Variants in NME5 observed in about 807,000 individuals in gnomAD.
The protein encoded by NME5 is nucleoside diphosphate kinase 5.
In NME5, 18 loss-of-function variants were observed where a neutral mutation model predicts 21.6. The ratio of observed to expected loss-of-function variants is 0.83; its 90% CI spans 0.58 to 1.24. The LOEUF is 1.24. Ranked by LOEUF, NME5 falls within the 50% of genes most tolerant of loss-of-function variation. NME5 has a pLI of 0.00. For synonymous variants in NME5, 70 were observed against 80.6 expected (o/e 0.87, Z 0.71); for missense variants, 223 against 255.4 (o/e 0.87, Z 0.86).
chr5:138,135,251 G>C (rs1383024724), intron 2 of NME5, among the ~76,000 whole-genome samples: 4 of 144,720 alleles, frequency 2.8e-5, no homozygotes. Flanking sequence ...CTGGGTGGCG[G>C]AGCTTGCCGT....
In NME5 at chr5:138,118,465, A is replaced by G. The variant is rs542290077; in HGVS notation, c.555+353T>C. Among the ~76,000 whole-genome samples the G allele has an allele frequency of 1.3e-4, 20 of 150,786 alleles. No individual in the cohort carries two copies. The South Asian group carries it at 3.6e-3, about 27-fold the overall frequency. ...CAAAGACACAATGTCTTAAACGTGA[A>G]AACTACAGACAATTTATAGAAAAAA... On this transcript the variant is annotated intron_variant, in intron 5 of 5. Transcript: ENST00000265191.
chr5:138,128,913 T>G lies in NME5; in HGVS notation c.336-334A>C, dbSNP rs2286062. Among the ~76,000 whole-genome samples, 217 of 152,328 alleles carry G rather than the reference T, an allele frequency of 1.4e-3. 5 individuals are homozygous for G. The East Asian group carries it at 0.037, about 26-fold the overall frequency. On this transcript the variant is annotated intron_variant, in intron 3 of 5. Transcript: ENST00000265191. ...ATACATTAGCAATAATGCTGAAAAT[T>G]TGAATTTCTGTTCCTGTATTACCAT... is the stretch of plus-strand genomic sequence containing the variant.
At chr5:138,128,651 T>G in intron 3 of NME5, 72 bp from the exon 4 acceptor site, 5 of 972,054 alleles carry the variant, frequency 5.1e-6, no homozygotes, top group Non-Finnish European at 7.8e-6. Context: ...TGCATTCCAC[T>G]TAAGAATTTT....
chr5:138,138,504 C>T (rs1304990090), intron 2 of NME5, 148 bp downstream of exon 2: 1 of 634,134 alleles, frequency 1.6e-6, no homozygotes, highest in African/African-American at 1.9e-5. Context: ...CTTTTAAAAA[C>T]TATCACATAT....
At position 138,115,727 on chromosome 5, in the gene NME5, T is replaced by C; in HGVS notation, c.593A>G (p.Asn198Ser). The change falls in exon 6 of 6, where the codon AAC becomes AGC. Residue 198 changes from asparagine (N) to serine (S), a missense_variant. Coordinates refer to ENST00000265191, the MANE Select transcript of NME5 (RefSeq NM_003551.3). ...LADWLLKNNP[N>S]KPKLCHHPIV... ...TGGATGGTGACAAAGTTTGGGTTTG[T>C]TAGGATTATTTTTCAGCAGCCAATC... 1.3e-6 allele frequency: 2 copies of C among 1,586,270 alleles called. No individual in the cohort carries two copies. The highest frequency in any genetic ancestry group is 1.7e-6 in the Non-Finnish European group (2 of 1,172,332).
chr5:138,127,496 A>C, intron 4 of NME5: 3 of 978,504 alleles, frequency 3.1e-6, no homozygotes, highest in Non-Finnish European at 3.6e-6. Context: ...AATACTGAGG[A>C]ACAGATCTAA....
At chr5:138,128,337 T>G in intron 4 of NME5, 142 bp downstream of exon 4, 1 of 653,564 alleles carries the variant, frequency 1.5e-6, no homozygotes, top group Non-Finnish European at 2.6e-6. Flanking sequence ...CTTCAAGTTT[T>G]TAAGTAACTA....
intron 4 of NME5, among the ~76,000 whole-genome samples, chr5:138,121,432 C>G (rs1230399938): frequency 6.6e-6 from 1 of 151,920 alleles, no homozygotes; most frequent in Non-Finnish European, 1.5e-5. Context: ...AAAAAGGAAA[C>G]CAAAATAGAA....
intron 2 of NME5, 46 bp from the exon 3 acceptor site, chr5:138,129,514 A>G (rs900773495): frequency 3.7e-6 from 5 of 1,359,674 alleles, no homozygotes; most frequent in African/African-American, 1.4e-5. Context: ...ATGACAGTTC[A>G]ATGATAGCTC....
intron 4 of NME5, among the ~76,000 whole-genome samples, chr5:138,124,287 G>A (rs936234320): frequency 1.3e-5 from 2 of 151,980 alleles, no homozygotes; most frequent in African/African-American, 4.8e-5. Context: ...ACAGGCGTGA[G>A]CCACCACACC....
chr5:138,120,227 GCTCTT>G (rs1230673862), intron 4 of NME5, among the ~76,000 whole-genome samples: 12 of 118,042 alleles, frequency 1.0e-4, no homozygotes, highest in East Asian at 2.6e-4. Context: ...ACTGCTCCCA[GCTCTT>G]TTTTTTTTTT....
At chr5:138,137,421 G>A (rs1387715114) in intron 2 of NME5, among the ~76,000 whole-genome samples, 1 of 151,820 alleles carries the variant, frequency 6.6e-6, no homozygotes, top group Non-Finnish European at 1.5e-5. Context: ...GAGTTCAAGC[G>A]ATTCTCCTGC....
chr5:138,129,245 C>T lies in NME5; in HGVS notation c.335+18G>A, dbSNP rs1333341785. 7 of 1,580,060 alleles carry T rather than the reference C, an allele frequency of 4.4e-6. No individual in the cohort carries two copies. The highest frequency in any genetic ancestry group is 5.2e-6 in the Non-Finnish European group (6 of 1,149,360). ...GATGGATTCCATTCCCTGCCATCCC[C>T]CAAACCCTGAAAATTACCTGTCTGG... On this transcript the variant is annotated intron_variant, in intron 3 of 5. Coordinates refer to ENST00000265191, the MANE Select transcript of NME5 (RefSeq NM_003551.3).
rs762579967 is a variant in NME5, at chr5:138,131,204, T to TAAAAAA, written c.130-1742_130-1737dup. 6.2e-4 allele frequency among the ~76,000 whole-genome samples: 50 copies of TAAAAAA among 80,874 alleles called. 1 individual carries two copies. The highest frequency in any genetic ancestry group is 2.9e-3 in the African/African-American group (47 of 16,222). The allele number at this position is 80,874 out of a possible 152,430, so 53.1% of individuals were successfully genotyped here. On this transcript the variant is annotated intron_variant, in intron 2 of 5. Transcript: ENST00000265191. ...CAACATGATGAAACCCCGTCTCTGCTAAAAAAAAAAAAAAAAAAAAAAAAA... is the reference window on the plus strand; with the variant it reads ...CAACATGATGAAACCCCGTCTCTGCTAAAAAAAAAAAAAAAAAAAAAAAAAAAAAAA...
intron 4 of NME5, among the ~76,000 whole-genome samples, chr5:138,126,808 C>T (rs752106332): frequency 5.9e-5 from 9 of 151,616 alleles, no homozygotes; most frequent in Non-Finnish European, 1.0e-4. Context: ...ATTAGCCGGG[C>T]GTGGTGATAT....
At chr5:138,120,293 C>T (rs1215506079) in intron 4 of NME5, among the ~76,000 whole-genome samples, 1 of 137,532 alleles carries the variant, frequency 7.3e-6, no homozygotes, top group Admixed American at 8.0e-5. Context: ...GAGTGCAGTG[C>T]CGCGATCTTG....
intron 2 of NME5, among the ~76,000 whole-genome samples, chr5:138,130,587 G>A (rs762277432): frequency 7.8e-4 from 118 of 152,210 alleles, no homozygotes; most frequent in Non-Finnish European, 8.8e-4. Flanking sequence ...TCAGGGGTTC[G>A]AGAACAGTCT....
intron 2 of NME5, among the ~76,000 whole-genome samples, chr5:138,130,789 G>C (rs1425416674): frequency 6.6e-6 from 1 of 151,782 alleles, no homozygotes; most frequent in Non-Finnish European, 1.5e-5. Flanking sequence ...AGCCAGGTGT[G>C]GTGGCACGCG....
intron 4 of NME5, among the ~76,000 whole-genome samples, chr5:138,125,453 C>T (rs1406899599): frequency 6.6e-6 from 1 of 152,056 alleles, no homozygotes; most frequent in Non-Finnish European, 1.5e-5. Context: ...GTGGTACACA[C>T]CTGTAGTCCC....
Sources: allele counts gnomAD v4.1 joint callset (sites outside exome capture counted in the v4.1 genomes callset), GRCh38; gene constraint gnomAD v4.1.1; transcripts MANE v1.5; gene names NCBI Gene and HGNC (gene_info 2026-07-23, HGNC 2026-07-21).